MINDY2: variants seen among roughly 807,000 people sequenced by gnomAD.
MINDY2 encodes the protein ubiquitin carboxyl-terminal hydrolase MINDY-2.
In MINDY2, 52 loss-of-function variants were observed where a neutral mutation model predicts 68.2. The observed-to-expected ratio is 0.76, with a 90% confidence interval of 0.61 to 0.96. MINDY2 has a LOEUF of 0.96. MINDY2 is among the 40% of genes least tolerant of loss of function. The pLI is 0.00. For synonymous variants in MINDY2, 372 were observed against 303.0 expected, an observed-to-expected ratio of 1.23 and a Z score of -2.36; for missense variants, 881 against 773.4, an observed-to-expected ratio of 1.14 and a Z score of -1.65.
At chr15:58,849,484 G>A (rs753228798) in intron 7 of MINDY2, among the ~76,000 whole-genome samples, 4 of 152,064 alleles carry the variant, frequency 2.6e-5, no homozygotes, top group Non-Finnish European at 4.4e-5. Flanking sequence ...CAGCCTGGAC[G>A]ACAGAGCAAG....
intron 7 of MINDY2, among the ~76,000 whole-genome samples, chr15:58,850,707 C>T (rs950387054): frequency 2.6e-5 from 4 of 152,102 alleles, no homozygotes; most frequent in African/African-American, 9.7e-5. Flanking sequence ...CCTCAGCCTC[C>T]CCTAGTAGCT....
rs1018675607 is a variant in MINDY2, at chr15:58,772,101, C to A, written c.706C>A (p.Arg236Ser). The A allele has an allele frequency of 6.2e-7, 1 of 1,613,762 alleles. No individual in the cohort carries two copies. The highest frequency in any genetic ancestry group is 8.5e-7 in the Non-Finnish European group (1 of 1,179,798). ...TCAGGTGCTGGCGGCCTCCAAGGAA[C>A]GCTTCCCGGGACAATCTGTGTATCA... ...TAQVLAASKE[R>S]FPGQSVYHIK... The change falls in exon 1 of 9, where the codon CGC becomes AGC. Residue 236 changes from arginine (R) to serine (S), a missense_variant. By Grantham distance (110) the Arg-to-Ser change is moderately radical. Transcript: ENST00000559228.
intron 4 of MINDY2, among the ~76,000 whole-genome samples, chr15:58,812,223 G>GT (rs1411700637): frequency 1.3e-5 from 2 of 152,092 alleles, no homozygotes; most frequent in African/African-American, 4.8e-5. Context: ...GGATCATGAA[G>GT]TCAGGAGTTC....
At chr15:58,834,619 C>T (rs1261615315) in intron 6 of MINDY2, among the ~76,000 whole-genome samples, 1 of 152,192 alleles carries the variant, frequency 6.6e-6, no homozygotes, top group African/African-American at 2.4e-5. Context: ...TAACCATCAT[C>T]TAGCTGTTAT....
At chr15:58,804,416 G>A (rs1268209587) in intron 3 of MINDY2, among the ~76,000 whole-genome samples, 24 of 152,180 alleles carry the variant, frequency 1.6e-4, no homozygotes, top group African/African-American at 4.8e-4. Context: ...TAGGGACTGC[G>A]GATGATAGCT....
At chr15:58,794,915 C>T (rs1902179122) in intron 2 of MINDY2, among the ~76,000 whole-genome samples, 1 of 151,800 alleles carries the variant, frequency 6.6e-6, no homozygotes, top group Non-Finnish European at 1.5e-5. Flanking sequence ...GGGCCGGGCG[C>T]AGTGGCTCAC....
intron 2 of MINDY2, among the ~76,000 whole-genome samples, chr15:58,789,210 C>T (rs1326944049): frequency 2.6e-5 from 4 of 151,970 alleles, no homozygotes; most frequent in Admixed American, 6.5e-5. Context: ...TGGTGGCAGA[C>T]GCCTGATGTC....
chr15:58,822,146 C>A (rs927732807), intron 5 of MINDY2, among the ~76,000 whole-genome samples: 1 of 151,758 alleles, frequency 6.6e-6, no homozygotes, highest in East Asian at 1.9e-4. Context: ...CCCAGCTACT[C>A]AGGAGGCTGA....
chr15:58,811,082 G>A lies in MINDY2; in HGVS notation c.1122+694G>A, dbSNP rs186623118. On this transcript the variant is annotated intron_variant, in intron 4 of 8. Coordinates refer to ENST00000559228, the MANE Select transcript of MINDY2 (RefSeq NM_001040450.3). ...ATCATTAGTATAAACTGCAGGTGTGGCCCAAGGGGCCCACAATAAATAACA... is the reference window on the plus strand; with the variant it reads ...ATCATTAGTATAAACTGCAGGTGTGACCCAAGGGGCCCACAATAAATAACA... Among the ~76,000 whole-genome samples the A allele has an allele frequency of 9.5e-4, 144 of 152,330 alleles. 1 individual carries two copies. Among genetic ancestry groups the A allele is most frequent in the Non-Finnish European group, 1.6e-3 (107 of 68,026 alleles).
chr15:58,772,942 G>A (rs560881089), intron 1 of MINDY2, among the ~76,000 whole-genome samples: 1 of 152,256 alleles, frequency 6.6e-6, no homozygotes, highest in African/African-American at 2.4e-5. Flanking sequence ...ATAAGAAAAG[G>A]TATGTCTAAG....
At chr15:58,812,118 A>G (rs2140978024) in intron 4 of MINDY2, among the ~76,000 whole-genome samples, 1 of 152,338 alleles carries the variant, frequency 6.6e-6, no homozygotes, top group South Asian at 2.1e-4. Flanking sequence ...TGAGGTAATT[A>G]TAGATTCACA....
intron 1 of MINDY2, among the ~76,000 whole-genome samples, chr15:58,774,603 T>C (rs1331480050): frequency 1.3e-5 from 2 of 150,746 alleles, no homozygotes; most frequent in African/African-American, 2.5e-5. Flanking sequence ...TACAGTGCAA[T>C]GTGAGAAGCT....
intron 2 of MINDY2, among the ~76,000 whole-genome samples, chr15:58,793,025 A>G (rs1388111160): frequency 1.3e-5 from 2 of 152,146 alleles, no homozygotes; most frequent in Admixed American, 6.6e-5. Flanking sequence ...GTTTAAAAAA[A>G]CCAGAATAGG....
chr15:58,817,222 A>C (rs2030745868), intron 4 of MINDY2, among the ~76,000 whole-genome samples: 1 of 152,222 alleles, frequency 6.6e-6, no homozygotes, highest in Non-Finnish European at 1.5e-5. Flanking sequence ...AAATGAATAA[A>C]GGATTAATAT....
At chr15:58,814,155 G>A (rs1237163872) in intron 4 of MINDY2, among the ~76,000 whole-genome samples, 6 of 151,928 alleles carry the variant, frequency 3.9e-5, no homozygotes, top group African/African-American at 1.5e-4. Context: ...AATCAGACTG[G>A]TCATGAACTC....
At chr15:58,791,179 CAAAA>C (rs35764277) in intron 2 of MINDY2, among the ~76,000 whole-genome samples, 1 of 67,890 alleles carries the variant, frequency 1.5e-5, no homozygotes, top group African/African-American at 4.9e-5. Flanking sequence ...GACTCCTTCT[CAAAA>C]AAAAAAAAAG....
At chr15:58,827,198 A>G (rs1457036934) in intron 5 of MINDY2, among the ~76,000 whole-genome samples, 1 of 152,194 alleles carries the variant, frequency 6.6e-6, no homozygotes, top group African/African-American at 2.4e-5. Flanking sequence ...TTTATATTGT[A>G]AAGATGTCCT....
At chr15:58,801,774 G>A (rs1297699009) in intron 2 of MINDY2, among the ~76,000 whole-genome samples, 1 of 152,124 alleles carries the variant, frequency 6.6e-6, no homozygotes, top group African/African-American at 2.4e-5. Flanking sequence ...CAAGTAGCTG[G>A]GATTACAGGC....
chr15:58,809,577 C>A (rs2030075420), intron 3 of MINDY2, among the ~76,000 whole-genome samples: 1 of 152,146 alleles, frequency 6.6e-6, no homozygotes, highest in African/African-American at 2.4e-5. Flanking sequence ...TTAGATTCAC[C>A]AGTAGGAGAG....
Sources: allele counts gnomAD v4.1 joint callset (sites outside exome capture counted in the v4.1 genomes callset), GRCh38; gene constraint gnomAD v4.1.1; transcripts MANE v1.5; gene names NCBI Gene and HGNC (gene_info 2026-07-23, HGNC 2026-07-21).